Variants in TRIO observed in about 807,000 individuals in gnomAD.
TRIO encodes trio Rho guanine nucleotide exchange factor, also known as triple functional domain protein.
In TRIO, 58 loss-of-function variants were observed where a neutral mutation model predicts 351.9. The ratio of observed to expected loss-of-function variants is 0.16; its 90% CI spans 0.13 to 0.21. The LOEUF is 0.21. Among genes scored for constraint, TRIO ranks in the 10% least tolerant of loss-of-function variants. The pLI is 1.00. For synonymous variants in TRIO, 1,758 were observed against 1,595.7 expected (o/e 1.10, Z -2.42); for missense variants, 3,201 against 4,027.8 (o/e 0.79, Z 5.56).
intron 34 of TRIO, among the ~76,000 whole-genome samples, chr5:14,424,124 T>A (rs1750427668): frequency 6.6e-6 from 1 of 151,998 alleles, no homozygotes; most frequent in Non-Finnish European, 1.5e-5. Context: ...GTGGTGAGCT[T>A]GGAGGATGCG....
chr5:14,407,527 G>A (rs1335811721), intron 33 of TRIO, among the ~76,000 whole-genome samples: 1 of 152,196 alleles, frequency 6.6e-6, no homozygotes, highest in Non-Finnish European at 1.5e-5. Context: ...AGAACTCATG[G>A]CAGTGTAGAA....
In TRIO at chr5:14,378,044, A is replaced by G. The variant is rs764989914; in HGVS notation, c.3364A>G (p.Arg1122Gly). Reference sequence around the variant, plus strand: ...GAATGAACTCTTCCAACGGGAGAACAGGGTATTGCATTACTGGACCATGAG... The same window carrying G: ...GAATGAACTCTTCCAACGGGAGAACGGGGTATTGCATTACTGGACCATGAG... Reference protein sequence around the residue: ...ILNELFQRENRVLHYWTMRKR... With the variant: ...ILNELFQRENGVLHYWTMRKR... The change falls in exon 20 of 57, where the codon AGG becomes GGG. Residue 1122 changes from arginine to glycine, a missense_variant. Arg to Gly is a moderately radical substitution (Grantham distance 125). This residue lies in a region of TRIO where 201 missense variants were observed against 266.5 expected (regional missense o/e 0.75). Transcript: ENST00000344204. The G allele has an allele frequency of 1.9e-6, 3 of 1,613,496 alleles. No homozygotes were observed. The highest frequency in any genetic ancestry group is 3.3e-5 in the Admixed American group (2 of 59,986).
At position 14,465,603 on chromosome 5, in the gene TRIO, T is replaced by C; in HGVS notation, c.5726T>C (p.Leu1909Pro). The stretch of plus-strand genomic sequence containing the variant: ...TCCGAAACACCGAGTGCAGCCGAGC[T>C]CGTCAGTGCAATTGAGGAACTCGTG... ...TSSETPSAAE[L>P]VSAIEELVKS... The change falls in exon 37 of 57, where the codon CTC becomes CCC. Residue 1909 changes from leucine (L) to proline (P), a missense_variant. By Grantham distance (98) the Leu-to-Pro change is moderately conservative. This residue lies in a region of TRIO where 307 missense variants were observed against 396.5 expected (regional missense o/e 0.77). Transcript: ENST00000344204. 6.2e-7 allele frequency: 1 copy of C among 1,614,026 alleles called. No individual in the cohort carries two copies. Among genetic ancestry groups the C allele is most frequent in the Non-Finnish European group, 8.5e-7 (1 of 1,180,012 alleles).
At position 14,316,735 on chromosome 5, in the gene TRIO, G is replaced by A. The variant is rs528544343; in HGVS notation, c.1723G>A (p.Val575Ile). The A allele has an allele frequency of 1.9e-5, 30 of 1,613,194 alleles. No individual in the cohort carries two copies. Among genetic ancestry groups the A allele is most frequent in the African/African-American group, 2.7e-5 (2 of 74,928 alleles). The part of the protein sequence containing the change: ...RLQLCVFQQD[V>I]QQVLDWIENH... ...GCAGCTGTGTGTTTTCCAGCAGGAC[G>A]TTCAGCAGGTCAGTTTCGCCTCATG... The change falls in exon 9 of 57, where the codon GTT (valine) becomes ATT (isoleucine). Residue 575 changes from valine (V) to isoleucine (I), a missense_variant. By Grantham distance (29) the Val-to-Ile change is conservative. Around this residue, in one of 19 missense-constraint regions of TRIO, gnomAD observed 38 missense variants for 93.4 expected, o/e 0.41. Coordinates refer to ENST00000344204, the MANE Select transcript of TRIO (RefSeq NM_007118.4).
chr5:14,152,144 C>G lies in TRIO; in HGVS notation c.157+8262C>G, dbSNP rs563835686. ...GACATCTAAATAACTGGAATAAATC[C>G]CTCATTAGTCTAATAGTAAACAAAT... On this transcript the variant is annotated intron_variant, in intron 1 of 56. Coordinates refer to ENST00000344204, the MANE Select transcript of TRIO (RefSeq NM_007118.4). 3.9e-5 allele frequency among the ~76,000 whole-genome samples: 6 copies of G among 152,062 alleles called. No homozygotes were observed. The South Asian group carries it at 1.2e-3, about 32-fold the overall frequency.
intron 34 of TRIO, among the ~76,000 whole-genome samples, chr5:14,424,749 G>A (rs977529124): frequency 2.6e-5 from 4 of 152,144 alleles, no homozygotes; most frequent in Non-Finnish European, 5.9e-5. Context: ...TTAATCAAAT[G>A]GGGCATTTTT....
chr5:14,350,974 G>A (rs1343968868), intron 11 of TRIO, among the ~76,000 whole-genome samples: 1 of 152,128 alleles, frequency 6.6e-6, no homozygotes, highest in Non-Finnish European at 1.5e-5. Flanking sequence ...TTCCTCGCAT[G>A]CACAATTCAC....
At chr5:14,406,025 G>GT in intron 32 of TRIO, 35 bp downstream of exon 32, 1 of 1,602,242 alleles carries the variant, frequency 6.2e-7, no homozygotes, top group South Asian at 1.1e-5. Context: ...GTTTGTGGAT[G>GT]TGGGAGGGAG....
At chr5:14,211,132 C>T (rs32548) in intron 1 of TRIO, among the ~76,000 whole-genome samples, 39,569 of 152,082 alleles carry the variant, frequency 0.26, 5,394 homozygotes, top group East Asian at 0.45. Flanking sequence ...CTTCTTCTGA[C>T]TTTCCAATTA....
intron 1 of TRIO, among the ~76,000 whole-genome samples, chr5:14,189,664 G>C (rs1271781120): frequency 6.6e-6 from 1 of 151,974 alleles, no homozygotes; most frequent in South Asian, 2.1e-4. Context: ...CCTTAAAAAG[G>C]TCTGTAGCTC....
intron 20 of TRIO, among the ~76,000 whole-genome samples, chr5:14,379,419 C>T (rs1056661300): frequency 6.6e-6 from 1 of 152,238 alleles, no homozygotes; most frequent in African/African-American, 2.4e-5. Flanking sequence ...CTCAGAACTG[C>T]TCAGTTCCCA....
At chr5:14,379,396 G>A (rs924234907) in intron 20 of TRIO, among the ~76,000 whole-genome samples, 9 of 152,174 alleles carry the variant, frequency 5.9e-5, no homozygotes, top group Non-Finnish European at 1.0e-4. Context: ...AGTCTAGAAG[G>A]ACGCAGCCCA....
chr5:14,322,236 G>A (rs1024348665), intron 9 of TRIO, among the ~76,000 whole-genome samples: 1 of 152,202 alleles, frequency 6.6e-6, no homozygotes, highest in Non-Finnish European at 1.5e-5. Flanking sequence ...GCTAATTAAA[G>A]ATTCTTTGGG....
chr5:14,504,517 A>G lies in TRIO; in HGVS notation c.8536A>G (p.Ser2846Gly), dbSNP rs761627287. 3.7e-6 allele frequency: 6 copies of G among 1,614,096 alleles called. No individual in the cohort carries two copies. The highest frequency in any genetic ancestry group is 5.1e-6 in the Non-Finnish European group (6 of 1,180,018). Residue 2846 changes from serine (S) to glycine (G), a missense_variant, in exon 55 of 57, where the codon AGC (serine) becomes GGC (glycine). Transcript: ENST00000344204. ...QVTHELGILQ[S>G]LQHPLLVGLL... ...CACCCATGAGCTTGGCATCCTGCAG[A>G]GCCTCCAGCACCCCCTGCTTGTCGG... is the stretch of plus-strand genomic sequence containing the variant.
intron 34 of TRIO, among the ~76,000 whole-genome samples, chr5:14,448,366 G>A (rs973499866): frequency 1.3e-5 from 2 of 152,220 alleles, no homozygotes; most frequent in African/African-American, 4.8e-5. Context: ...GGGAATATGG[G>A]GTCACATGCT....
intron 6 of TRIO, among the ~76,000 whole-genome samples, chr5:14,294,249 A>G (rs1737154671): frequency 6.6e-6 from 1 of 152,216 alleles, no homozygotes; most frequent in Non-Finnish European, 1.5e-5. Flanking sequence ...ATTCAGAAAG[A>G]TGCCATTTAA....
intron 1 of TRIO, among the ~76,000 whole-genome samples, chr5:14,189,734 T>A (rs1047347592): frequency 3.3e-5 from 5 of 152,070 alleles, no homozygotes; most frequent in Non-Finnish European, 7.4e-5. Flanking sequence ...TTAACTTTTT[T>A]TTTTTTTTCA....
At chr5:14,431,413 A>G (rs529001264) in intron 34 of TRIO, among the ~76,000 whole-genome samples, 9 of 152,334 alleles carry the variant, frequency 5.9e-5, no homozygotes, top group Admixed American at 5.9e-4. Flanking sequence ...GGTCCTTTCA[A>G]ACATTCGAGA....
intron 1 of TRIO, among the ~76,000 whole-genome samples, chr5:14,242,187 T>G (rs1157940331): frequency 1.3e-5 from 2 of 152,256 alleles, no homozygotes; most frequent in Admixed American, 1.3e-4. Flanking sequence ...GAGGCCTTGC[T>G]TCTGTGCTCT....
Sources: gnomAD v4.1 joint callset for allele counts (sites outside exome capture counted in the v4.1 genomes callset) on GRCh38, gnomAD v4.1.1 for gene constraint, gnomAD v4.1.1 regional missense constraint, MANE v1.5 for transcripts, NCBI Gene and HGNC (gene_info 2026-07-23, HGNC 2026-07-21) for gene names.